Variants in CCAR2 observed in about 807,000 individuals in gnomAD.
CCAR2 encodes the protein cell cycle and apoptosis regulator 2, also known as cell cycle and apoptosis regulator protein 2.
CCAR2 carries 21 observed loss-of-function variants against 108.1 expected under a neutral mutation model. The observed-to-expected ratio is 0.19, with a 90% confidence interval of 0.14 to 0.28. The LOEUF (loss-of-function observed/expected upper bound fraction) is 0.28. CCAR2 is among the 10% of genes least tolerant of loss of function. The pLI, the probability that CCAR2 is intolerant of heterozygous loss-of-function variation, is 1.00. For synonymous variants in CCAR2, 577 were observed against 472.8 expected, an observed-to-expected ratio of 1.22 and a Z score of -2.86; for missense variants, 1,126 against 1,177.0, an observed-to-expected ratio of 0.96 and a Z score of 0.63.
chr8:22,616,346 T>A lies in CCAR2; in HGVS notation c.1845+98T>A, dbSNP rs1047365713. ...GAGCGCTTCCTGTGCCTTAGCTCATTCCCTGCACCCTTGCTCGGCATGGAC... is the reference window on the plus strand; with the variant it reads ...GAGCGCTTCCTGTGCCTTAGCTCATACCCTGCACCCTTGCTCGGCATGGAC... On this transcript the variant is annotated intron_variant, in intron 14 of 20. Coordinates refer to ENST00000308511, the MANE Select transcript of CCAR2 (RefSeq NM_001393997.1). 2.7e-6 allele frequency: 3 copies of A among 1,091,508 alleles called. No homozygotes were observed. In the African/African-American group the frequency reaches 4.7e-5, roughly 17 times the overall value. The allele number at this position is 1,091,508 out of a possible 1,614,324, so 67.6% of individuals were successfully genotyped here. A position where few individuals can be genotyped will look rare whatever the true frequency, so the allele number is the denominator to read the frequency against.
downstream of CCAR2, chr8:22,621,349 C>T: frequency 6.6e-7 from 1 of 1,520,780 alleles, no homozygotes. Flanking sequence ...GTGAGAGGAG[C>T]AGCTAGCCCT....
At chr8:22,619,539 CGTGCAGT>C in intron 20 of CCAR2, 92 bp from the exon 21 acceptor site, 1 of 1,437,152 alleles carries the variant, frequency 7.0e-7, no homozygotes, top group Non-Finnish European at 9.6e-7. Context: ...CAGTCAGCAG[CGTGCAGT>C]GGGAGCTTCC....
chr8:22,621,427 C>T (rs1194455234), downstream of CCAR2: 3 of 1,612,872 alleles, frequency 1.9e-6, no homozygotes, highest in African/African-American at 1.3e-5. Flanking sequence ...GGGATTCAGT[C>T]ATCGGCCACA....
Position 22,616,709 on chromosome 8 carries a change from G to A in CCAR2, c.1845+461G>A, listed in dbSNP as rs192742369. The A allele has an allele frequency of 2.6e-4, 42 of 161,714 alleles. No individual in the cohort carries two copies. In the East Asian group the frequency reaches 5.8e-3, roughly 22 times the overall value. The allele number at this position is 161,714 out of a possible 1,614,324, so 10.0% of individuals were successfully genotyped here. A position where few individuals can be genotyped will look rare whatever the true frequency, so the allele number is the denominator to read the frequency against. The stretch of plus-strand genomic sequence containing the variant: ...TGCATGCCTGTTTTCTCAGCTACTC[G>A]GGAGGCTGAGGCAGGAGAATCGCTT... On this transcript the variant is annotated intron_variant, in intron 14 of 20. Coordinates refer to ENST00000308511, the MANE Select transcript of CCAR2 (RefSeq NM_001393997.1).
At chr8:22,609,639 T>C (rs535729803) in intron 7 of CCAR2, among the ~76,000 whole-genome samples, 2 of 152,386 alleles carry the variant, frequency 1.3e-5, no homozygotes, top group Admixed American at 1.3e-4. Flanking sequence ...GTCCTCAGTT[T>C]CTAGGGACCT....
intron 6 of CCAR2, among the ~76,000 whole-genome samples, chr8:22,607,759 G>T (rs1272566710): frequency 1.3e-5 from 2 of 152,076 alleles, no homozygotes; most frequent in Admixed American, 6.6e-5. Context: ...TGAGTAGCTG[G>T]GACTACAGGC....
In CCAR2 at chr8:22,619,193, G is replaced by A. The variant is rs1266168071; in HGVS notation, c.2565G>A (p.Lys855=). Residue 855 remains lysine, a synonymous_variant, in exon 20 of 21, where the codon AAG becomes AAA. Transcript: ENST00000308511. ...NRFSATEVTN[K]TLAAEMQELR... The stretch of plus-strand genomic sequence containing the variant: ...TCTCAGCCACTGAAGTAACCAATAA[G>A]ACGCTGGCGGCAGAGATGCAGGAGC... 1 of 1,593,236 alleles carries A rather than the reference G, an allele frequency of 6.3e-7. No individual in the cohort carries two copies. Among genetic ancestry groups the A allele is most frequent in the African/African-American group, 1.3e-5 (1 of 74,888 alleles).
chr8:22,606,704 C>G lies in CCAR2; in HGVS notation c.242+6C>G. The G allele has an allele frequency of 1.2e-6, 2 of 1,612,070 alleles. No homozygotes were observed. Among genetic ancestry groups the G allele is most frequent in the Non-Finnish European group, 1.7e-6 (2 of 1,178,344 alleles). On this transcript the variant is annotated splice_donor_region_variant and intron_variant, in intron 4 of 20. Transcript: ENST00000308511. Reference sequence around the variant, plus strand: ...GAGGTCTTTTTTCAGCTAAGGTAGGCTTGAGGTTGGTCCCCTAACGGAAAT... The same window carrying G: ...GAGGTCTTTTTTCAGCTAAGGTAGGGTTGAGGTTGGTCCCCTAACGGAAAT...
intron 8 of CCAR2, 29 bp downstream of exon 8, chr8:22,613,165 T>G (rs201089201): frequency 6.5e-7 from 1 of 1,533,868 alleles, no homozygotes; most frequent in African/African-American, 1.4e-5. Flanking sequence ...GTGGGCTGAG[T>G]CTTGCTGCTG....
chr8:22,606,981 C>G lies in CCAR2; in HGVS notation c.314C>G (p.Ala105Gly). Residue 105 changes from alanine (A) to glycine (G), a missense_variant, in exon 5 of 21, where the codon GCA (alanine) becomes GGA (glycine). By Grantham distance (60) the Ala-to-Gly change is moderately conservative (BLOSUM62 0). Around this residue, in one of 4 missense-constraint regions of CCAR2, gnomAD observed 44 missense variants for 63.4 expected, o/e 0.69. Transcript: ENST00000308511. The stretch of plus-strand genomic sequence containing the variant: ...AAGGCTGCATACAACCCAGGCCAGG[C>G]AGTGCCCTGGAATGCTGTCAAGGTG... ...LVKAAYNPGQAVPWNAVKVQT... is the reference protein window; with the variant it reads ...LVKAAYNPGQGVPWNAVKVQT... 6.2e-7 allele frequency: 1 copy of G among 1,614,136 alleles called. No individual in the cohort carries two copies. The highest frequency in any genetic ancestry group is 8.5e-7 in the Non-Finnish European group (1 of 1,180,012).
rs1801661060 is a variant in CCAR2 at position 22,619,344 on chromosome 8, G to A, written c.2716G>A (p.Val906Met). The A allele has an allele frequency of 6.4e-7, 1 of 1,559,392 alleles. No individual in the cohort carries two copies. Among genetic ancestry groups the A allele is most frequent in the Non-Finnish European group, 8.7e-7 (1 of 1,152,352 alleles). Residue 906 changes from valine (V) to methionine (M), a missense_variant, in exon 20 of 21, where the codon GTG (valine) becomes ATG (methionine). This residue lies in a region of CCAR2 where 1,013 missense variants were observed against 993.9 expected (regional missense o/e 1.02). Coordinates refer to ENST00000308511, the MANE Select transcript of CCAR2 (RefSeq NM_001393997.1). ...CCCCCTGCAGCTGGAGATCCAGCGG[G>A]TGGTGGAAAAGGTAAGGTGGGGGTG... ...LTPLQLEIQR[V>M]VEKADSWVEK...
intron 16 of CCAR2, chr8:22,618,031 G>A: frequency 1.7e-6 from 1 of 592,138 alleles, no homozygotes; most frequent in South Asian, 2.1e-5. Flanking sequence ...TGCCAAAGTG[G>A]GCCAGAGAGG....
chr8:22,606,839 C>T (rs1169551996), intron 4 of CCAR2, 71 bp from the exon 5 acceptor site: 8 of 1,536,000 alleles, frequency 5.2e-6, no homozygotes, highest in Non-Finnish European at 7.2e-6. Context: ...GGAAAGGCCT[C>T]ATAGGGGCAG....
In CCAR2 at chr8:22,620,142, G is replaced by A. The variant is rs1344699324; in HGVS notation, c.*460G>A. 6.0e-6 allele frequency: 1 copy of A among 166,834 alleles called. No individual in the cohort carries two copies. The allele number at this position is 166,834 out of a possible 1,614,324, so 10.3% of individuals were successfully genotyped here. A position where few individuals can be genotyped will look rare whatever the true frequency, so the allele number is the denominator to read the frequency against. On this transcript the variant is annotated 3_prime_UTR_variant, in exon 21 of 21. Transcript: ENST00000308511. ...CCTCCGGATGGCACAGGCTCTGCTA[G>A]GTTCCGGACACAGGCTTCTGGGGGA...
chr8:22,607,424 T>C, intron 6 of CCAR2, 99 bp downstream of exon 6: 1 of 1,444,104 alleles, frequency 6.9e-7, no homozygotes, highest in South Asian at 1.3e-5. Flanking sequence ...TGGGTACTTC[T>C]ATGTACTGGA....
chr8:22,615,547 G>A lies in CCAR2; in HGVS notation c.1328G>A (p.Cys443Tyr), dbSNP rs200718047. 5 of 1,613,866 alleles carry A rather than the reference G, an allele frequency of 3.1e-6. No individual in the cohort carries two copies. Among genetic ancestry groups the A allele is most frequent in the Non-Finnish European group, 4.2e-6 (5 of 1,180,030 alleles). Residue 443 changes from cysteine to tyrosine, a missense_variant, in exon 12 of 21, where the codon TGC (cysteine) becomes TAC (tyrosine). Transcript: ENST00000308511. The stretch of plus-strand genomic sequence containing the variant: ...ACTTTGGAGGAGTGGGAGGCCCTGT[G>A]CCAGCAGAAAGCTGCAGAGGCAGCT... ...MPTLEEWEAL[C>Y]QQKAAEAAPP...
Position 22,607,044 on chromosome 8 carries a change from A to T in CCAR2, c.357+20A>T. ...AACCAGGTATTCATATCTCCTTAGCATGTGCATTGGAAAGGGAAGGGATGG... is the reference window on the plus strand; with the variant it reads ...AACCAGGTATTCATATCTCCTTAGCTTGTGCATTGGAAAGGGAAGGGATGG... On this transcript the variant is annotated intron_variant, in intron 5 of 20. Coordinates refer to ENST00000308511, the MANE Select transcript of CCAR2 (RefSeq NM_001393997.1). The T allele has an allele frequency of 6.2e-7, 1 of 1,612,992 alleles. No homozygotes were observed.
intron 2 of CCAR2, 109 bp from the exon 3 acceptor site, chr8:22,605,976 G>A: frequency 1.6e-6 from 2 of 1,279,492 alleles, no homozygotes; most frequent in Non-Finnish European, 2.3e-6. Flanking sequence ...GTGAAGCTCT[G>A]TGGAGGAGCT....
intron 14 of CCAR2, among the ~76,000 whole-genome samples, chr8:22,616,932 A>G (rs1216587135): frequency 1.1e-5 from 1 of 90,530 alleles, no homozygotes; most frequent in African/African-American, 5.1e-5. Flanking sequence ...CCCAGGCTGA[A>G]GTGCAGTGGC....
Sources: gnomAD v4.1 joint callset for allele counts (sites outside exome capture counted in the v4.1 genomes callset) on GRCh38, gnomAD v4.1.1 for gene constraint, gnomAD v4.1.1 regional missense constraint, MANE v1.5 for transcripts, NCBI Gene and HGNC (gene_info 2026-07-23, HGNC 2026-07-21) for gene names.